CCDC188: variants seen among roughly 807,000 people sequenced by gnomAD.
The protein encoded by CCDC188 is coiled-coil domain containing 188, also known as coiled-coil domain-containing protein 188.
Under a neutral mutation model 50.7 loss-of-function variants are expected in CCDC188, and 37 were observed. The ratio of observed to expected loss-of-function variants is 0.73; its 90% CI spans 0.56 to 0.96. The LOEUF (loss-of-function observed/expected upper bound fraction) is 0.96. Among genes scored for constraint, CCDC188 ranks in the 40% least tolerant of loss-of-function variants. The pLI is 0.00. For synonymous variants in CCDC188, 208 were observed against 228.0 expected (o/e 0.91, Z 0.79); for missense variants, 453 against 512.9 (o/e 0.88, Z 1.13).
Position 20,149,654 on chromosome 22 carries a change from G to A in CCDC188, c.790-14C>T, listed in dbSNP as rs1242934774. 1 of 1,549,676 alleles carries A rather than the reference G, an allele frequency of 6.5e-7. No individual in the cohort carries two copies. The highest frequency in any genetic ancestry group is 8.7e-7 in the Non-Finnish European group (1 of 1,146,632). On this transcript the variant is annotated splice_polypyrimidine_tract_variant and intron_variant, in intron 4 of 8. Transcript: ENST00000439765. ...GTTGTCCCACACCTAGGGGGAGGTG[G>A]GGTCACGCCTGAGGAGCAGGACCCA...
Position 20,148,648 on chromosome 22 carries a change from A to G in CCDC188, c.1175T>C (p.Leu392Pro), listed in dbSNP as rs1357363230. The G allele has an allele frequency of 6.5e-7, 1 of 1,547,378 alleles. No individual in the cohort carries two copies. Among genetic ancestry groups the G allele is most frequent in the Non-Finnish European group, 8.7e-7 (1 of 1,145,856 alleles). ...CAGGAAGCCGTCCACTTTGAGGCGC[A>G]GGAAGGGGTCCAGCAGGGCCCGGAG... ...WKLRALLDPF[L>P]RLKVDGFLPF The change falls in exon 9 of 9, where the codon CTG (leucine) becomes CCG (proline). Residue 392 changes from leucine to proline, a missense_variant. Physicochemically the swap from Leu to Pro is moderately conservative, Grantham distance 98 (BLOSUM62 -3). Coordinates refer to ENST00000439765, the MANE Select transcript of CCDC188 (RefSeq NM_001365892.2).
At position 20,150,457 on chromosome 22, in the gene CCDC188, G is replaced by A. The variant is rs1028142343; in HGVS notation, c.519+11C>T. 2 of 1,531,472 alleles carry A rather than the reference G, an allele frequency of 1.3e-6. No individual in the cohort carries two copies. Among genetic ancestry groups the A allele is most frequent in the African/African-American group, 2.8e-5 (2 of 72,406 alleles). The allele number at this position is 1,531,472 out of a possible 1,614,324, so 94.9% of individuals were successfully genotyped here. A position where few individuals can be genotyped will look rare whatever the true frequency, so the allele number is the denominator to read the frequency against. On this transcript the variant is annotated intron_variant, in intron 1 of 8. Coordinates refer to ENST00000439765, the MANE Select transcript of CCDC188 (RefSeq NM_001365892.2). ...TGGGGCTGGGGCTGGGGCGGTGGGT[G>A]GGGTGCTCACCAGGCTGTGGTTCTC...
At position 20,150,630 on chromosome 22, in the gene CCDC188, C is replaced by G. The variant is rs2050609820; in HGVS notation, c.357G>C (p.Gly119=). The G allele has an allele frequency of 6.5e-7, 1 of 1,543,430 alleles. No individual in the cohort carries two copies. The highest frequency in any genetic ancestry group is 1.4e-5 in the African/African-American group (1 of 72,890). ...PGSNQGAPRQ[G]GSIGSGTRPC... is the part of the protein sequence containing the mutation. ...GTCTGGTCCCTGAGCCAATGGATCC[C>G]CCCTGCCTGGGAGCCCCCTGGTTCG... The change falls in exon 1 of 9, where the codon GGG becomes GGC. Residue 119 remains glycine (G), a synonymous_variant. Transcript: ENST00000439765.
In CCDC188 at chr22:20,149,941, TC is replaced by T; in HGVS notation, c.732+13del. 1.3e-6 allele frequency: 2 copies of T among 1,518,744 alleles called. No individual in the cohort carries two copies. The highest frequency in any genetic ancestry group is 1.8e-6 in the Non-Finnish European group (2 of 1,129,550). 94.1% of individuals were successfully genotyped at this position (1,518,744 alleles called of 1,614,324 possible). On this transcript the variant is annotated intron_variant, in intron 3 of 8. Coordinates refer to ENST00000439765, the MANE Select transcript of CCDC188 (RefSeq NM_001365892.2). ...AAGCTTCCTCCCCCCCCACAGCCCC[TC>T]CCCCAGGCCCACCTGGGACTGTTGC...
chr22:20,150,992 C>A lies in CCDC188; in HGVS notation c.-6G>T. 7.2e-7 allele frequency: 1 copy of A among 1,384,812 alleles called. No homozygotes were observed. The highest frequency in any genetic ancestry group is 9.4e-7 in the Non-Finnish European group (1 of 1,064,826). The allele number at this position is 1,384,812 out of a possible 1,614,324, so 85.8% of individuals were successfully genotyped here. On this transcript the variant is annotated 5_prime_UTR_variant, in exon 1 of 9. Coordinates refer to ENST00000439765, the MANE Select transcript of CCDC188 (RefSeq NM_001365892.2). ...AGGGTTTTCAGCCCCTCCATCCCTC[C>A]CTGCAACCCCTTCCTGATCCCAGGT...
chr22:20,148,925 C>A lies in CCDC188; in HGVS notation c.973-1G>T. 1 of 1,508,162 alleles carries A rather than the reference C, an allele frequency of 6.6e-7. No individual in the cohort carries two copies. The highest frequency in any genetic ancestry group is 1.3e-5 in the South Asian group (1 of 78,578). The allele number at this position is 1,508,162 out of a possible 1,614,324, so 93.4% of individuals were successfully genotyped here. On this transcript the variant is annotated splice_acceptor_variant, in intron 7 of 8. Transcript: ENST00000439765. LOFTEE classifies it high-confidence loss of function. ...AGCTTCCCAGCTTTGGCCTCCCTTT[C>A]TGTCGGGGAGGGGCTGGATCAGAGC... is the stretch of plus-strand genomic sequence containing the variant.
chr22:20,148,693 C>A lies in CCDC188; in HGVS notation c.1130G>T (p.Ser377Ile). ...CCGGAGCTTCCAGACGGTGGCACGGCTCAGCAGGGGTGGCACCAGCCCCTC... is the reference window on the plus strand; with the variant it reads ...CCGGAGCTTCCAGACGGTGGCACGGATCAGCAGGGGTGGCACCAGCCCCTC... ...PFEGLVPPLL[S>I]RATVWKLRAL... Residue 377 changes from serine (S) to isoleucine (I), a missense_variant, in exon 9 of 9, where the codon AGC becomes ATC. Transcript: ENST00000439765. 6.5e-7 allele frequency: 1 copy of A among 1,543,810 alleles called. No homozygotes were observed. The highest frequency in any genetic ancestry group is 8.7e-7 in the Non-Finnish European group (1 of 1,144,008).
In CCDC188 at chr22:20,148,724, G is replaced by T. The variant is rs1003330504; in HGVS notation, c.1099C>A (p.Pro367Thr). The T allele has an allele frequency of 2.4e-5, 36 of 1,528,846 alleles. No homozygotes were observed. The highest frequency in any genetic ancestry group is 2.9e-5 in the Non-Finnish European group (33 of 1,136,526). The allele number at this position is 1,528,846 out of a possible 1,614,324, so 94.7% of individuals were successfully genotyped here. ...AAYVYVVNPT[P>T]FEGLVPPLLS... ...AGGGGTGGCACCAGCCCCTCGAAAGGTGTGGGGTTCACCACGTACACGTAG... is the reference window on the plus strand; with the variant it reads ...AGGGGTGGCACCAGCCCCTCGAAAGTTGTGGGGTTCACCACGTACACGTAG... The change falls in exon 9 of 9, where the codon CCT becomes ACT. Residue 367 changes from proline to threonine, a missense_variant. By Grantham distance (38) the Pro-to-Thr change is conservative. Coordinates refer to ENST00000439765, the MANE Select transcript of CCDC188 (RefSeq NM_001365892.2).
rs1270473434 is a variant in CCDC188 at position 20,149,215 on chromosome 22, C to T, written c.944G>A (p.Arg315Lys). 6.8e-7 allele frequency: 1 copy of T among 1,472,802 alleles called. No individual in the cohort carries two copies. The highest frequency in any genetic ancestry group is 1.4e-5 in the African/African-American group (1 of 70,762). 91.2% of individuals were successfully genotyped at this position (1,472,802 alleles called of 1,614,324 possible). The change falls in exon 7 of 9, where the codon AGG becomes AAG. Residue 315 changes from arginine to lysine, a missense_variant. By Grantham distance (26) the Arg-to-Lys change is conservative (BLOSUM62 2). Transcript: ENST00000439765. ...CATGCTTGCCATCTGCTTCTCCTTCCTGGCTCGAGTGCGGCACTGGGCCCG... is the reference window on the plus strand; with the variant it reads ...CATGCTTGCCATCTGCTTCTCCTTCTTGGCTCGAGTGCGGCACTGGGCCCG... ...RERAQCRTRA[R>K]KEKQMASMSK...
Position 20,148,469 on chromosome 22 carries a change from G to C in CCDC188, c.*145C>G. On this transcript the variant is annotated 3_prime_UTR_variant, in exon 9 of 9. Coordinates refer to ENST00000439765, the MANE Select transcript of CCDC188 (RefSeq NM_001365892.2). ...GTCCAGCCACAGGCCCAGCCCTCAGGACAGACCCCACCTCCACCCTTCTCT... is the reference window on the plus strand; with the variant it reads ...GTCCAGCCACAGGCCCAGCCCTCAGCACAGACCCCACCTCCACCCTTCTCT... 1 of 1,376,882 alleles carries C rather than the reference G, an allele frequency of 7.3e-7. No homozygotes were observed. The highest frequency in any genetic ancestry group is 9.4e-7 in the Non-Finnish European group (1 of 1,069,288). 85.3% of individuals were successfully genotyped at this position (1,376,882 alleles called of 1,614,324 possible). A position where few individuals can be genotyped will look rare whatever the true frequency, so the allele number is the denominator to read the frequency against.
Position 20,149,259 on chromosome 22 carries a change from C to A in CCDC188, c.915-15G>T. The A allele has an allele frequency of 6.6e-7, 1 of 1,505,136 alleles. No individual in the cohort carries two copies. The highest frequency in any genetic ancestry group is 1.3e-5 in the South Asian group (1 of 76,822). 93.2% of individuals were successfully genotyped at this position (1,505,136 alleles called of 1,614,324 possible). ...GGGCCCGCTCCCTGCGGGGGCCTCA[C>A]TGTCAGGACCCCACACCCTCCACCC... On this transcript the variant is annotated splice_polypyrimidine_tract_variant and intron_variant, in intron 6 of 8. Coordinates refer to ENST00000439765, the MANE Select transcript of CCDC188 (RefSeq NM_001365892.2).
chr22:20,148,837 G>C, intron 8 of CCDC188, 37 bp from the exon 9 acceptor site: 1 of 1,461,114 alleles, frequency 6.8e-7, no homozygotes, highest in Non-Finnish European at 9.1e-7. Context: ...GGGCGCGCGG[G>C]GGGCCTGGGG....
At chr22:20,149,383 AGCT>A in intron 6 of CCDC188, 26 bp downstream of exon 6, 1 of 1,550,062 alleles carries the variant, frequency 6.5e-7, no homozygotes, top group Non-Finnish European at 8.7e-7. Context: ...GACCCTGCTC[AGCT>A]GGCCCGGCCC....
Position 20,149,733 on chromosome 22 carries a change from G to A in CCDC188, c.780C>T (p.Val260=), listed in dbSNP as rs755320035. The change falls in exon 4 of 9, where the codon GTC becomes GTT. Residue 260 remains valine, a synonymous_variant. Transcript: ENST00000439765. ...IRLCFERKKM[V]ITEVWDNVAE... ...TCAGCCAGGCGGGCACCTCTGTGAT[G>A]ACCATCTTCTTCCTCTCAAAGCACA... The A allele has an allele frequency of 1.6e-5, 24 of 1,532,164 alleles. 1 individual carries two copies. The Admixed American group carries it at 2.8e-4, about 18-fold the overall frequency. 94.9% of individuals were successfully genotyped at this position (1,532,164 alleles called of 1,614,324 possible). A position where few individuals can be genotyped will look rare whatever the true frequency, so the allele number is the denominator to read the frequency against.
chr22:20,149,647 G>A lies in CCDC188; in HGVS notation c.790-7C>T, dbSNP rs752417139. 3.2e-5 allele frequency: 50 copies of A among 1,549,800 alleles called. No homozygotes were observed. The South Asian group carries it at 5.6e-4, about 17-fold the overall frequency. ...CAGCCACGTTGTCCCACACCTAGGG[G>A]GAGGTGGGGTCACGCCTGAGGAGCA... is the stretch of plus-strand genomic sequence containing the variant. On this transcript the variant is annotated splice_polypyrimidine_tract_variant and splice_region_variant and intron_variant, in intron 4 of 8. Coordinates refer to ENST00000439765, the MANE Select transcript of CCDC188 (RefSeq NM_001365892.2).
rs1406488134 is a variant in CCDC188 at position 20,148,620 on chromosome 22, G to A, written c.1203C>T (p.Pro401=). ...GGGCCGCTGGGCCTCTGGCCTAGAA[G>A]GGCAGGAAGCCGTCCACTTTGAGGC... is the stretch of plus-strand genomic sequence containing the variant. The part of the protein sequence containing the change: ...FLRLKVDGFL[P]F Residue 401 remains proline (P), a synonymous_variant, in exon 9 of 9, where the codon CCC becomes CCT. Transcript: ENST00000439765. 2 of 1,543,556 alleles carry A rather than the reference G, an allele frequency of 1.3e-6. No homozygotes were observed. The highest frequency in any genetic ancestry group is 2.5e-5 in the East Asian group (1 of 40,678).
In CCDC188 at chr22:20,150,476, G is replaced by C; in HGVS notation, c.511C>G (p.His171Asp). Reference protein sequence around the residue: ...QSFLQLEQENHSLKRQNQELR... With the variant: ...QSFLQLEQENDSLKRQNQELR... The stretch of plus-strand genomic sequence containing the variant: ...GTGGGTGGGGTGCTCACCAGGCTGT[G>C]GTTCTCCTGCTCCAGCTGCAGGAAG... Residue 171 changes from histidine to aspartate, a missense_variant, in exon 1 of 9, where the codon CAC becomes GAC. Transcript: ENST00000439765. 1 of 1,541,002 alleles carries C rather than the reference G, an allele frequency of 6.5e-7. No individual in the cohort carries two copies. The highest frequency in any genetic ancestry group is 8.7e-7 in the Non-Finnish European group (1 of 1,146,330).
At position 20,149,255 on chromosome 22, in the gene CCDC188, C is replaced by G; in HGVS notation, c.915-11G>C. 2 of 1,502,514 alleles carry G rather than the reference C, an allele frequency of 1.3e-6. No homozygotes were observed. Among genetic ancestry groups the G allele is most frequent in the Non-Finnish European group, 1.8e-6 (2 of 1,123,186 alleles). 93.1% of individuals were successfully genotyped at this position (1,502,514 alleles called of 1,614,324 possible). A position where few individuals can be genotyped will look rare whatever the true frequency, so the allele number is the denominator to read the frequency against. ...CACTGGGCCCGCTCCCTGCGGGGGCCTCACTGTCAGGACCCCACACCCTCC... is the reference window on the plus strand; with the variant it reads ...CACTGGGCCCGCTCCCTGCGGGGGCGTCACTGTCAGGACCCCACACCCTCC... On this transcript the variant is annotated splice_polypyrimidine_tract_variant and intron_variant, in intron 6 of 8. Coordinates refer to ENST00000439765, the MANE Select transcript of CCDC188 (RefSeq NM_001365892.2).
rs2148016357 is a variant in CCDC188, at chr22:20,149,493, GT to G, written c.850-18del. ...CTTGAGGTTCTGGGGGCCAGAGGAGGTAAGCACAGCAGGCCCCTCGCCCCGC... is the reference window on the plus strand; with the variant it reads ...CTTGAGGTTCTGGGGGCCAGAGGAGGAAGCACAGCAGGCCCCTCGCCCCGC... On this transcript the variant is annotated intron_variant, in intron 5 of 8. Transcript: ENST00000439765. 6.5e-7 allele frequency: 1 copy of G among 1,550,064 alleles called. No individual in the cohort carries two copies. The highest frequency in any genetic ancestry group is 2.4e-5 in the East Asian group (1 of 40,898).
Sources: gnomAD v4.1 joint callset for allele counts on GRCh38, gnomAD v4.1.1 for gene constraint, MANE v1.5 for transcripts, NCBI Gene and HGNC (gene_info 2026-07-23, HGNC 2026-07-21) for gene names.